CDH4: variants seen among roughly 807,000 people sequenced by gnomAD.
The protein encoded by CDH4 is cadherin-4.
CDH4 carries 33 observed loss-of-function variants against 86.0 expected under a neutral mutation model. The ratio of observed to expected loss-of-function variants is 0.38; its 90% CI spans 0.29 to 0.51. The LOEUF (loss-of-function observed/expected upper bound fraction) is 0.51. Ranked by LOEUF, CDH4 falls within the 20% of genes least tolerant of loss-of-function variation. CDH4 has a pLI of 0.86. For missense variants in CDH4, 1,114 were observed against 1,307.4 expected (o/e 0.85, Z 2.28); for synonymous variants, 555 against 549.4 (o/e 1.01, Z -0.14).
chr20:61,639,646 G>T (rs183311333), intron 2 of CDH4, among the ~76,000 whole-genome samples: 31 of 152,340 alleles, frequency 2.0e-4, no homozygotes, highest in Non-Finnish European at 3.7e-4. Flanking sequence ...CTGCACACGG[G>T]CCCTGACTCT....
At chr20:61,765,902 C>T (rs1402114107) in intron 3 of CDH4, among the ~76,000 whole-genome samples, 1 of 152,058 alleles carries the variant, frequency 6.6e-6, no homozygotes, top group Admixed American at 6.5e-5. Flanking sequence ...ACCTGCCTTC[C>T]CTGGAGCAGT....
intron 2 of CDH4, among the ~76,000 whole-genome samples, chr20:61,352,579 A>G (rs1412288840): frequency 6.6e-6 from 1 of 152,202 alleles, no homozygotes; most frequent in Non-Finnish European, 1.5e-5. Flanking sequence ...GACCTGGTGG[A>G]AAGAAAACAA....
At chr20:61,447,211 C>A (rs551961011) in intron 2 of CDH4, among the ~76,000 whole-genome samples, 3 of 152,056 alleles carry the variant, frequency 2.0e-5, no homozygotes, top group East Asian at 3.9e-4. Flanking sequence ...GGCTGGTGTG[C>A]GGTGGTGCGA....
Position 61,421,120 on chromosome 20 carries a change from C to A in CDH4, c.169+166183C>A, listed in dbSNP as rs1168181486. ...GGGCAGCTGGTCCTTGCAATGGGAGCCCTTACAGCCCTTTTCCGTGGGGAC... is the reference window on the plus strand; with the variant it reads ...GGGCAGCTGGTCCTTGCAATGGGAGACCTTACAGCCCTTTTCCGTGGGGAC... On this transcript the variant is annotated intron_variant, in intron 2 of 15. Transcript: ENST00000614565. Among the ~76,000 whole-genome samples the A allele has an allele frequency of 3.9e-5, 6 of 152,310 alleles. No homozygotes were observed. In the East Asian group the frequency reaches 1.2e-3, roughly 29 times the overall value.
intron 2 of CDH4, among the ~76,000 whole-genome samples, chr20:61,547,973 GC>G (rs1474796548): frequency 2.0e-5 from 3 of 152,186 alleles, no homozygotes; most frequent in African/African-American, 7.2e-5. Context: ...AGTAACACAT[GC>G]CCTTGGCCTT....
chr20:61,554,795 C>T (rs139010662), intron 2 of CDH4, among the ~76,000 whole-genome samples: 18 of 152,272 alleles, frequency 1.2e-4, no homozygotes, highest in East Asian at 3.9e-4. Flanking sequence ...TGTTTTCACA[C>T]GTGCACATGT....
rs923811079 is a variant in CDH4 at position 61,863,977 on chromosome 20, C to T, written c.878-9751C>T. Among the ~76,000 whole-genome samples the T allele has an allele frequency of 3.3e-5, 5 of 152,382 alleles. No individual in the cohort carries two copies. The South Asian group carries it at 1.0e-3, about 32-fold the overall frequency. Reference sequence around the variant, plus strand: ...TGGACTGGAGCCCTGCCCCACAATTCACATCCATCCAGCACTTCAGAATGT... The same window carrying T: ...TGGACTGGAGCCCTGCCCCACAATTTACATCCATCCAGCACTTCAGAATGT... On this transcript the variant is annotated intron_variant, in intron 6 of 15. Coordinates refer to ENST00000614565, the MANE Select transcript of CDH4 (RefSeq NM_001794.5).
intron 2 of CDH4, among the ~76,000 whole-genome samples, chr20:61,515,254 G>T (rs1315502314): frequency 6.6e-6 from 1 of 152,240 alleles, no homozygotes; most frequent in Non-Finnish European, 1.5e-5. Flanking sequence ...TCCCCTGTGT[G>T]GTCACCCTCA....
At chr20:61,688,840 G>A (rs1008492974) in intron 2 of CDH4, among the ~76,000 whole-genome samples, 3 of 152,364 alleles carry the variant, frequency 2.0e-5, no homozygotes, top group African/African-American at 7.2e-5. Context: ...ACAGGAGTGT[G>A]CAACCCAGCA....
At chr20:61,522,298 G>A (rs922487736) in intron 2 of CDH4, among the ~76,000 whole-genome samples, 15 of 150,632 alleles carry the variant, frequency 1.0e-4, no homozygotes, top group Middle Eastern at 6.9e-3. Flanking sequence ...CCAGTGGAGC[G>A]GGTGGGGAGG....
At chr20:61,903,987 G>A (rs909159264) in intron 8 of CDH4, among the ~76,000 whole-genome samples, 3 of 152,196 alleles carry the variant, frequency 2.0e-5, no homozygotes, top group South Asian at 2.1e-4. Context: ...GCTGTTTTGC[G>A]TTTCTGCTCT....
chr20:61,258,337 A>G (rs1473449009), intron 2 of CDH4, among the ~76,000 whole-genome samples: 2 of 146,426 alleles, frequency 1.4e-5, no homozygotes, highest in African/African-American at 5.2e-5. Flanking sequence ...CTCAAAAAAA[A>G]AAAAAAAAGA....
chr20:61,496,931 T>G (rs2085666997), intron 2 of CDH4, among the ~76,000 whole-genome samples: 1 of 152,064 alleles, frequency 6.6e-6, no homozygotes, highest in Admixed American at 6.5e-5. Context: ...GGGCAGGTGT[T>G]TTTTTTTGTT....
intron 2 of CDH4, among the ~76,000 whole-genome samples, chr20:61,630,395 G>A (rs2086875132): frequency 6.6e-6 from 1 of 152,194 alleles, no homozygotes; most frequent in Non-Finnish European, 1.5e-5. Context: ...AGGGCGAAGT[G>A]TCAGAGATCC....
At chr20:61,851,847 G>A (rs535871917) in intron 5 of CDH4, among the ~76,000 whole-genome samples, 91 of 152,246 alleles carry the variant, frequency 6.0e-4, no homozygotes, top group African/African-American at 2.1e-3. Flanking sequence ...TTCTCTTCCC[G>A]GTGTCCATTG....
chr20:61,378,923 G>A (rs1568820407), intron 2 of CDH4, among the ~76,000 whole-genome samples: 1 of 152,176 alleles, frequency 6.6e-6, no homozygotes, highest in Non-Finnish European at 1.5e-5. Context: ...CATTAGTCCA[G>A]TCCACAGATG....
intron 2 of CDH4, among the ~76,000 whole-genome samples, chr20:61,617,277 A>C (rs1229527491): frequency 1.3e-5 from 2 of 151,668 alleles, no homozygotes; most frequent in East Asian, 3.9e-4. Flanking sequence ...CAGGGACTCC[A>C]CTCTATCCGC....
chr20:61,547,645 C>G (rs867226249), intron 2 of CDH4, among the ~76,000 whole-genome samples: 20 of 152,156 alleles, frequency 1.3e-4, no homozygotes, highest in African/African-American at 4.6e-4. Flanking sequence ...CACTCCTTGG[C>G]CAATGATGAC....
intron 4 of CDH4, among the ~76,000 whole-genome samples, chr20:61,776,038 G>C (rs1422257557): frequency 6.6e-6 from 1 of 152,124 alleles, no homozygotes; most frequent in Admixed American, 6.5e-5. Flanking sequence ...AGTGGCTGAG[G>C]AAGTGTGGGC....
Sources: allele counts gnomAD v4.1 joint callset (sites outside exome capture counted in the v4.1 genomes callset), GRCh38; gene constraint gnomAD v4.1.1; transcripts MANE v1.5; gene names NCBI Gene and HGNC (gene_info 2026-07-23, HGNC 2026-07-21).